Variants in SHISAL1 observed in about 807,000 individuals in gnomAD.
SHISAL1 encodes the protein shisa like 1.
A neutral mutation model predicts 22.6 loss-of-function variants in SHISAL1; 9 were observed. The ratio of observed to expected loss-of-function variants is 0.40; its 90% confidence interval spans 0.24 to 0.70. The LOEUF is 0.70. SHISAL1 is among the 30% of genes least tolerant of loss of function. The pLI is 0.39. For synonymous variants in SHISAL1, 119 were observed against 115.4 expected (o/e 1.03, Z -0.20); for missense variants, 246 against 270.6 (o/e 0.91, Z 0.64).
intron 4 of SHISAL1, among the ~76,000 whole-genome samples, chr22:44,267,738 C>T (rs1207123051): frequency 6.6e-6 from 1 of 152,248 alleles, no homozygotes; most frequent in Non-Finnish European, 1.5e-5. Flanking sequence ...GATTGATGTG[C>T]AGCTGTCTCT....
chr22:44,316,156 G>A (rs1005811175), upstream of SHISAL1, among the ~76,000 whole-genome samples: 1 of 152,174 alleles, frequency 6.6e-6, no homozygotes, highest in Non-Finnish European at 1.5e-5. Context: ...ATTTGGAGCA[G>A]ACCAAGCCAG....
intron 1 of SHISAL1, among the ~76,000 whole-genome samples, chr22:44,301,234 C>T (rs1036859300): frequency 6.6e-6 from 1 of 152,214 alleles, no homozygotes; most frequent in Non-Finnish European, 1.5e-5. Flanking sequence ...ACGGATGGCT[C>T]AGGTGGTGGA....
chr22:44,289,174 G>C (rs1048226971), intron 3 of SHISAL1, among the ~76,000 whole-genome samples: 2 of 152,232 alleles, frequency 1.3e-5, no homozygotes, highest in African/African-American at 4.8e-5. Flanking sequence ...GGAGGAGCTA[G>C]TGTTCCCATG....
rs527707114 is a variant in SHISAL1, at chr22:44,274,177, C to T, written c.599+11251G>A. ...AGGAGAATCACTTGAACCTGGGAGGCGGAGGGAGGCTGCAGTGAGCCAAGA... is the reference window on the plus strand; with the variant it reads ...AGGAGAATCACTTGAACCTGGGAGGTGGAGGGAGGCTGCAGTGAGCCAAGA... On this transcript the variant is annotated intron_variant, in intron 4 of 4. Transcript: ENST00000381176. 4.0e-5 allele frequency among the ~76,000 whole-genome samples: 6 copies of T among 151,422 alleles called. No homozygotes were observed. In the East Asian group the frequency reaches 9.7e-4, roughly 25 times the overall value.
intron 4 of SHISAL1, among the ~76,000 whole-genome samples, chr22:44,250,170 T>TTAA (rs1235201969): frequency 6.6e-6 from 1 of 152,360 alleles, no homozygotes; most frequent in East Asian, 1.9e-4. Flanking sequence ...GACATAATTT[T>TTAA]TAATGTTGTT....
chr22:44,265,671 T>A (rs186868983), intron 4 of SHISAL1, among the ~76,000 whole-genome samples: 32 of 152,304 alleles, frequency 2.1e-4, no homozygotes, highest in Admixed American at 3.9e-4. Context: ...ACTAACTAGC[T>A]AATACAAGGC....
intron 2 of SHISAL1, among the ~76,000 whole-genome samples, chr22:44,300,168 GAGAT>G (rs1328535159): frequency 1.3e-5 from 2 of 151,676 alleles, no homozygotes; most frequent in African/African-American, 4.9e-5. Context: ...GAGACAGAGA[GAGAT>G]AGAGATACAG....
intron 3 of SHISAL1, among the ~76,000 whole-genome samples, chr22:44,290,373 C>T (rs2055344346): frequency 6.6e-6 from 1 of 151,986 alleles, no homozygotes. Context: ...CTACTAAAAA[C>T]ACAAAATTAG....
chr22:44,286,268 C>CCT (rs999423098), intron 3 of SHISAL1, among the ~76,000 whole-genome samples: 10 of 152,176 alleles, frequency 6.6e-5, no homozygotes, highest in Non-Finnish European at 1.5e-4. Context: ...CCCTCTAGAC[C>CCT]CTCTCTCAGC....
rs1170285469 is a variant in SHISAL1 at position 44,247,806 on chromosome 22, C to T, written c.*1879G>A. 3 of 152,214 alleles carry T rather than the reference C, an allele frequency of 2.0e-5. No individual in the cohort carries two copies. Among genetic ancestry groups the T allele is most frequent in the Admixed American group, 6.5e-5 (1 of 15,284 alleles). 9.4% of individuals were successfully genotyped at this position (152,214 alleles called of 1,614,324 possible). The stretch of plus-strand genomic sequence containing the variant: ...CATTGTGTTTGCACAGCTTGACTCA[C>T]AGCAGAGCCCAGAGCTGGGCACTAT... On this transcript the variant is annotated 3_prime_UTR_variant, in exon 5 of 5. Transcript: ENST00000381176.
Position 44,296,978 on chromosome 22 carries a change from G to A in SHISAL1, c.68-93C>T, listed in dbSNP as rs573638347. 97 of 953,738 alleles carry A rather than the reference G, an allele frequency of 1.0e-4. 1 individual carries two copies. In the African/African-American group the frequency reaches 1.2e-3, roughly 12 times the overall value. The allele number at this position is 953,738 out of a possible 1,614,324, so 59.1% of individuals were successfully genotyped here. On this transcript the variant is annotated intron_variant, in intron 2 of 4. Transcript: ENST00000381176. ...ACTGGCCGGCCTCTTCTCAGGTCCTGCCTGCTTCTTCCCTCCCCTGGATGC... is the reference window on the plus strand; with the variant it reads ...ACTGGCCGGCCTCTTCTCAGGTCCTACCTGCTTCTTCCCTCCCCTGGATGC...
At chr22:44,320,701 G>A in the SHISAL1 span, among the ~76,000 whole-genome samples, 6 of 152,200 alleles carry the variant, frequency 3.9e-5, no homozygotes, top group African/African-American at 1.4e-4. Context: ...TCCAGCCGAT[G>A]TCCAGGCTGT....
Position 44,244,627 on chromosome 22 carries a change from G to GGTAA in SHISAL1, c.*5054_*5057dup, listed in dbSNP as rs1464831360. The GGTAA allele has an allele frequency of 6.6e-6, 1 of 152,186 alleles. No homozygotes were observed. Among genetic ancestry groups the GGTAA allele is most frequent in the African/African-American group, 2.4e-5 (1 of 41,430 alleles). The allele number at this position is 152,186 out of a possible 1,614,324, so 9.4% of individuals were successfully genotyped here. On this transcript the variant is annotated 3_prime_UTR_variant, in exon 5 of 5. Transcript: ENST00000381176. Reference sequence around the variant, plus strand: ...CAAGGTCACTTTCACGGGTGGGACAGGTAAGTGTTCTGAATTCATTTTGTG... The same window carrying GGTAA: ...CAAGGTCACTTTCACGGGTGGGACAGGTAAGTAAGTGTTCTGAATTCATTTTGTG...
In SHISAL1 at chr22:44,296,889, G is replaced by C. The variant is rs530416916; in HGVS notation, c.68-4C>G. On this transcript the variant is annotated splice_region_variant and splice_polypyrimidine_tract_variant and intron_variant, in intron 2 of 4. Transcript: ENST00000381176. ...ACCCGGAAATGTGCAGACAAGACTGGAAGACAGAGTCACCAGGCTCAGAGG... is the reference window on the plus strand; with the variant it reads ...ACCCGGAAATGTGCAGACAAGACTGCAAGACAGAGTCACCAGGCTCAGAGG... 6.2e-6 allele frequency: 10 copies of C among 1,609,764 alleles called. No homozygotes were observed. In the East Asian group the frequency reaches 1.3e-4, roughly 22 times the overall value.
chr22:44,324,879 C>A, the SHISAL1 span, among the ~76,000 whole-genome samples: 3 of 152,224 alleles, frequency 2.0e-5, no homozygotes, highest in Non-Finnish European at 4.4e-5. Flanking sequence ...CAGGCAGCTG[C>A]ACCCAGCTGA....
rs138017382 is a variant in SHISAL1 at position 44,245,990 on chromosome 22, G to C, written c.*3695C>G. On this transcript the variant is annotated 3_prime_UTR_variant, in exon 5 of 5. Coordinates refer to ENST00000381176, the MANE Select transcript of SHISAL1 (RefSeq NM_001099294.2). ...TGTGAAATCACCTGTGTGTGTGCGCGCATGTGCATGTATGTACTTGTGTGT... is the reference window on the plus strand; with the variant it reads ...TGTGAAATCACCTGTGTGTGTGCGCCCATGTGCATGTATGTACTTGTGTGT... 6.6e-6 allele frequency: 1 copy of C among 152,236 alleles called. No homozygotes were observed. The highest frequency in any genetic ancestry group is 2.4e-5 in the African/African-American group (1 of 41,452). 9.4% of individuals were successfully genotyped at this position (152,236 alleles called of 1,614,324 possible).
intron 2 of SHISAL1, among the ~76,000 whole-genome samples, chr22:44,297,207 C>T (rs1255716236): frequency 1.3e-5 from 2 of 152,178 alleles, no homozygotes; most frequent in African/African-American, 4.8e-5. Flanking sequence ...CTTCACAGAC[C>T]CATCTCATTT....
At chr22:44,318,442 C>T in the SHISAL1 span, among the ~76,000 whole-genome samples, 9 of 152,328 alleles carry the variant, frequency 5.9e-5, no homozygotes, top group Admixed American at 1.3e-4. Context: ...CAGGGGGAAG[C>T]GGGTGCTGGG....
At position 44,243,667 on chromosome 22, in the gene SHISAL1, G is replaced by C. The variant is rs2054973988; in HGVS notation, c.*6018C>G. 6.6e-6 allele frequency: 1 copy of C among 152,158 alleles called. No individual in the cohort carries two copies. Among genetic ancestry groups the C allele is most frequent in the Non-Finnish European group, 1.5e-5 (1 of 68,020 alleles). 9.4% of individuals were successfully genotyped at this position (152,158 alleles called of 1,614,324 possible). On this transcript the variant is annotated 3_prime_UTR_variant, in exon 5 of 5. Coordinates refer to ENST00000381176, the MANE Select transcript of SHISAL1 (RefSeq NM_001099294.2). Reference sequence around the variant, plus strand: ...AAACACTGAAGCAAACGTCAATCTAGGGAACAGTTGACATGACACTCCTTT... The same window carrying C: ...AAACACTGAAGCAAACGTCAATCTACGGAACAGTTGACATGACACTCCTTT...
Sources: allele counts gnomAD v4.1 joint callset (sites outside exome capture counted in the v4.1 genomes callset), GRCh38; gene constraint gnomAD v4.1.1; transcripts MANE v1.5; gene names NCBI Gene and HGNC (gene_info 2026-07-23, HGNC 2026-07-21).